The following HEMK2 variants were observed in gnomAD, a reference collection of about 807,000 sequenced individuals.
HEMK2 encodes methyltransferase HEMK2.
At chr21:28,871,154 C>T in the HEMK2 span, among the ~76,000 whole-genome samples, 1 of 152,094 alleles carries the variant, frequency 6.6e-6, no homozygotes, top group East Asian at 1.9e-4. Context: ...AAAGTGTAAA[C>T]CTTTATCATT....
chr21:28,699,076 C>A, the HEMK2 span, among the ~76,000 whole-genome samples: 2 of 152,118 alleles, frequency 1.3e-5, no homozygotes, highest in South Asian at 2.1e-4. Context: ...TTCATGCAAC[C>A]ATTGCTCAAA....
At chr21:28,662,674 T>C in the HEMK2 span, among the ~76,000 whole-genome samples, 1 of 152,168 alleles carries the variant, frequency 6.6e-6, no homozygotes, top group Non-Finnish European at 1.5e-5. Context: ...TGAGATCTGA[T>C]GATTTTATAA....
chr21:28,718,431 T>C, the HEMK2 span, among the ~76,000 whole-genome samples: 1 of 152,206 alleles, frequency 6.6e-6, no homozygotes, highest in African/African-American at 2.4e-5. Flanking sequence ...AGAAGTCTAT[T>C]AGGTCTAATT....
chr21:28,600,679 C>A, the HEMK2 span, among the ~76,000 whole-genome samples: 5,110 of 152,268 alleles, frequency 0.034, 127 homozygotes, highest in African/African-American at 0.063. Context: ...TTTTCTATCT[C>A]ATTGTCAGGC....
chr21:28,610,637 A>C, the HEMK2 span, among the ~76,000 whole-genome samples: 1 of 152,132 alleles, frequency 6.6e-6, no homozygotes, highest in East Asian at 1.9e-4. Context: ...TCACCAACAA[A>C]GTGTCATCAA....
the HEMK2 span, among the ~76,000 whole-genome samples, chr21:28,616,307 T>C: frequency 6.6e-6 from 1 of 152,186 alleles, no homozygotes; most frequent in Non-Finnish European, 1.5e-5. Context: ...TGAAAAACAA[T>C]GGCAATTTTC....
chr21:28,858,589 A>AGGAG, the HEMK2 span, among the ~76,000 whole-genome samples: 2 of 151,700 alleles, frequency 1.3e-5, no homozygotes, highest in African/African-American at 4.8e-5. Flanking sequence ...GAAGGAAGGA[A>AGGAG]GGAGGGAGGG....
the HEMK2 span, among the ~76,000 whole-genome samples, chr21:28,661,494 A>T: frequency 6.6e-6 from 1 of 152,110 alleles, no homozygotes; most frequent in African/African-American, 2.4e-5. Flanking sequence ...TATGCTAATG[A>T]CTAAAAGTGC....
chr21:28,797,041 C>T, the HEMK2 span, among the ~76,000 whole-genome samples: 9 of 152,198 alleles, frequency 5.9e-5, no homozygotes, highest in Admixed American at 1.3e-4. Context: ...TTGTTCCTTC[C>T]GACAGTTTCT....
chr21:28,604,691 T>C, the HEMK2 span, among the ~76,000 whole-genome samples: 1 of 152,220 alleles, frequency 6.6e-6, no homozygotes, highest in Non-Finnish European at 1.5e-5. Context: ...GACCATATGA[T>C]AAAGAATATT....
chr21:28,771,946 A>G, the HEMK2 span, among the ~76,000 whole-genome samples: 1 of 150,908 alleles, frequency 6.6e-6, no homozygotes, highest in East Asian at 2.0e-4. Context: ...GGAACATACC[A>G]TTTCTATGAG....
At chr21:28,684,742 G>A in the HEMK2 span, among the ~76,000 whole-genome samples, 1 of 152,150 alleles carries the variant, frequency 6.6e-6, no homozygotes, top group Non-Finnish European at 1.5e-5. Flanking sequence ...GAACTCCAGT[G>A]GACCATGGGC....
chr21:28,773,471 T>G, the HEMK2 span, among the ~76,000 whole-genome samples: 1 of 152,110 alleles, frequency 6.6e-6, no homozygotes, highest in Non-Finnish European at 1.5e-5. Flanking sequence ...TAGAAACATA[T>G]TAATAGAAGA....
At chr21:28,804,879 C>T in the HEMK2 span, among the ~76,000 whole-genome samples, 1 of 152,208 alleles carries the variant, frequency 6.6e-6, no homozygotes, top group Admixed American at 6.5e-5. Context: ...ATTCTAGACA[C>T]TTTGCATACT....
At chr21:28,831,614 GGAAAGAAGGAAA>G in the HEMK2 span, among the ~76,000 whole-genome samples, 5 of 71,630 alleles carry the variant, frequency 7.0e-5, no homozygotes, top group African/African-American at 2.4e-4. Flanking sequence ...AAGGAAAGAA[GGAAAGAAGGAAA>G]GAAGGAAGGA....
the HEMK2 span, among the ~76,000 whole-genome samples, chr21:28,666,903 C>T: frequency 2.6e-5 from 4 of 151,984 alleles, no homozygotes; most frequent in Non-Finnish European, 5.9e-5. Flanking sequence ...ATAGAAAAAA[C>T]TAGTTGTTAT....
the HEMK2 span, among the ~76,000 whole-genome samples, chr21:28,866,175 A>AAAAAAAAAACAAAAAAAC: frequency 5.1e-4 from 39 of 76,242 alleles, 2 homozygotes; most frequent in African/African-American, 2.0e-3. Flanking sequence ...CAAAAAAAAA[A>AAAAAAAAAACAAAAAAAC]ACACACACAC....
the HEMK2 span, among the ~76,000 whole-genome samples, chr21:28,730,759 C>T: frequency 6.6e-6 from 1 of 152,176 alleles, no homozygotes; most frequent in East Asian, 1.9e-4. Flanking sequence ...AGCCAGAAGT[C>T]ACAATGTTTT....
chr21:28,606,373 C>T, the HEMK2 span, among the ~76,000 whole-genome samples: 1 of 152,186 alleles, frequency 6.6e-6, no homozygotes. Context: ...ATTATGTTTG[C>T]CCATGAGCTC....
Sources: gnomAD v4.1 joint callset for allele counts (sites outside exome capture counted in the v4.1 genomes callset) on GRCh38, gnomAD v4.1.1 for gene constraint, MANE v1.5 for transcripts, NCBI Gene and HGNC (gene_info 2026-07-23, HGNC 2026-07-21) for gene names.